The following PDE7B variants were observed in gnomAD, a reference collection of about 807,000 sequenced individuals.
The protein encoded by PDE7B is phosphodiesterase 7B, also known as 3',5'-cyclic-AMP phosphodiesterase 7B.
Under a neutral mutation model 56.2 loss-of-function variants are expected in PDE7B, and 29 were observed. The ratio of observed to expected loss-of-function variants is 0.52; its 90% CI spans 0.38 to 0.70. The LOEUF (loss-of-function observed/expected upper bound fraction) is 0.70. Among genes scored for constraint, PDE7B ranks in the 30% least tolerant of loss-of-function variants. PDE7B has a pLI of 0.00. For missense variants in PDE7B, 490 were observed against 565.0 expected, an observed-to-expected ratio of 0.87 and a Z score of 1.35; for synonymous variants, 197 against 196.9, an observed-to-expected ratio of 1.00 and a Z score of 0.00.
In PDE7B at chr6:136,149,084, C is replaced by T. The variant is rs1270789845; in HGVS notation, c.319-3C>T. On this transcript the variant is annotated splice_polypyrimidine_tract_variant and splice_region_variant and intron_variant, in intron 4 of 12. Coordinates refer to ENST00000308191, the MANE Select transcript of PDE7B (RefSeq NM_018945.4). The stretch of plus-strand genomic sequence containing the variant: ...GCGTGCTGTTTTTTGTTTGCCTTTT[C>T]AGCATATGCTCTCCAAAGTGGGAAT... 4 of 1,609,134 alleles carry T rather than the reference C, an allele frequency of 2.5e-6. No individual in the cohort carries two copies. Among genetic ancestry groups the T allele is most frequent in the Non-Finnish European group, 3.4e-6 (4 of 1,175,762 alleles).
At chr6:135,949,148 C>T (rs1050134333) in intron 2 of PDE7B, among the ~76,000 whole-genome samples, 3 of 151,986 alleles carry the variant, frequency 2.0e-5, no homozygotes, top group Non-Finnish European at 4.4e-5. Context: ...TACCTTACTA[C>T]CACTGAAATA....
rs770426312 is a variant in PDE7B, at chr6:136,149,170, T to C, written c.382+20T>C. 3 of 1,538,830 alleles carry C rather than the reference T, an allele frequency of 1.9e-6. No homozygotes were observed. In the South Asian group the frequency reaches 3.4e-5, roughly 17 times the overall value. On this transcript the variant is annotated intron_variant, in intron 5 of 12. Transcript: ENST00000308191. ...CAAATGGTAAGTTACCCAAAAGAAT[T>C]CTCACTAAAATATACACCATAAAGT...
At chr6:136,044,111 C>T (rs904566148) in intron 2 of PDE7B, 71 of 152,258 alleles carry the variant, frequency 4.7e-4, no homozygotes, top group African/African-American at 1.6e-3. Flanking sequence ...CTTAATATCC[C>T]GCTCGTATGC....
At chr6:136,039,898 A>G (rs896634878) in intron 2 of PDE7B, among the ~76,000 whole-genome samples, 1 of 152,254 alleles carries the variant, frequency 6.6e-6, no homozygotes, top group Non-Finnish European at 1.5e-5. Flanking sequence ...TGTTTCAGTC[A>G]ATTAAATGAT....
intron 2 of PDE7B, among the ~76,000 whole-genome samples, chr6:136,084,587 C>T (rs920706777): frequency 1.3e-5 from 2 of 152,180 alleles, no homozygotes; most frequent in African/African-American, 4.8e-5. Context: ...CTAGCAGTCT[C>T]CGTCAGAAGG....
chr6:135,895,684 G>T (rs1775888952), intron 1 of PDE7B, among the ~76,000 whole-genome samples: 1 of 152,128 alleles, frequency 6.6e-6, no homozygotes, highest in African/African-American at 2.4e-5. Flanking sequence ...AAGGTCTCAT[G>T]AAAACACTTA....
intron 9 of PDE7B, among the ~76,000 whole-genome samples, chr6:136,178,599 T>G (rs949460910): frequency 1.3e-5 from 2 of 152,198 alleles, no homozygotes; most frequent in Non-Finnish European, 2.9e-5. Flanking sequence ...TTTATTACTA[T>G]TGTTATGCCC....
In PDE7B at chr6:136,179,968, T is replaced by C. The variant is rs577562568; in HGVS notation, c.948+827T>C. 5.3e-5 allele frequency among the ~76,000 whole-genome samples: 8 copies of C among 152,362 alleles called. No individual in the cohort carries two copies. The East Asian group carries it at 1.5e-3, about 29-fold the overall frequency. ...AGAGTGGATGTCACAAATAAAAATG[T>C]GACCTGGTATCCAAACCAGAACCTT... On this transcript the variant is annotated intron_variant, in intron 10 of 12. Transcript: ENST00000308191.
intron 2 of PDE7B, chr6:136,072,777 T>A (rs1432190594): frequency 6.6e-6 from 1 of 152,246 alleles, no homozygotes; most frequent in Non-Finnish European, 1.5e-5. Context: ...CCTGACTTTC[T>A]TGATCCTTTT....
At chr6:135,964,153 G>A (rs1256579999) in intron 2 of PDE7B, among the ~76,000 whole-genome samples, 1 of 151,556 alleles carries the variant, frequency 6.6e-6, no homozygotes, top group Non-Finnish European at 1.5e-5. Flanking sequence ...TGCCCAAGCT[G>A]GAGTCAGTGG....
intron 1 of PDE7B, among the ~76,000 whole-genome samples, chr6:135,924,707 C>A (rs1024189108): frequency 7.6e-6 from 1 of 131,186 alleles, no homozygotes; most frequent in African/African-American, 2.9e-5. Flanking sequence ...GAATCTTATG[C>A]ACAATTTCCA....
At chr6:135,895,255 A>G (rs899369077) in intron 1 of PDE7B, among the ~76,000 whole-genome samples, 2 of 152,354 alleles carry the variant, frequency 1.3e-5, no homozygotes, top group South Asian at 4.1e-4. Context: ...GGCATCCACG[A>G]ATAATGATAG....
chr6:136,005,069 TC>T (rs1562466660), intron 2 of PDE7B, among the ~76,000 whole-genome samples: 1 of 152,216 alleles, frequency 6.6e-6, no homozygotes, highest in Non-Finnish European at 1.5e-5. Flanking sequence ...AACTATCTGA[TC>T]TTTGACAAAC....
chr6:135,978,270 G>T (rs969788943), intron 2 of PDE7B, among the ~76,000 whole-genome samples: 12 of 152,054 alleles, frequency 7.9e-5, no homozygotes, highest in Non-Finnish European at 1.6e-4. Flanking sequence ...CATAGAAAAG[G>T]TACAGTAAAA....
chr6:135,996,494 C>T (rs1775566723), intron 2 of PDE7B, among the ~76,000 whole-genome samples: 1 of 152,150 alleles, frequency 6.6e-6, no homozygotes, highest in Non-Finnish European at 1.5e-5. Flanking sequence ...AGTTTTCTAT[C>T]CTTACAAAAG....
chr6:135,972,349 G>A (rs899245050), intron 2 of PDE7B, among the ~76,000 whole-genome samples: 1 of 150,290 alleles, frequency 6.7e-6, no homozygotes, highest in East Asian at 1.9e-4. Context: ...AGTCTGTTTT[G>A]GCTACTGTCA....
chr6:136,086,346 TTTTA>T (rs1008115479), intron 2 of PDE7B, among the ~76,000 whole-genome samples: 44 of 151,976 alleles, frequency 2.9e-4, no homozygotes, highest in Non-Finnish European at 5.9e-4. Context: ...TCTTAATGGC[TTTTA>T]TTTATTTTAT....
At chr6:136,105,336 T>C (rs576436227) in intron 2 of PDE7B, among the ~76,000 whole-genome samples, 119 of 152,360 alleles carry the variant, frequency 7.8e-4, no homozygotes, top group African/African-American at 2.4e-3. Context: ...TAACCAATTT[T>C]TCATCTTGAT....
intron 2 of PDE7B, chr6:136,037,339 G>C (rs1422294952): frequency 3.8e-6 from 3 of 797,192 alleles, no homozygotes; most frequent in Non-Finnish European, 4.6e-6. Flanking sequence ...TGTGGAATGT[G>C]ATTCAATGTT....
Sources: allele counts gnomAD v4.1 joint callset (sites outside exome capture counted in the v4.1 genomes callset), GRCh38; gene constraint gnomAD v4.1.1; transcripts MANE v1.5; gene names NCBI Gene and HGNC (gene_info 2026-07-23, HGNC 2026-07-21).